PPP6R3: variants seen among roughly 807,000 people sequenced by gnomAD.
PPP6R3 encodes serine/threonine-protein phosphatase 6 regulatory subunit 3.
A neutral mutation model predicts 110.7 loss-of-function variants in PPP6R3; 38 were observed. The ratio of observed to expected loss-of-function variants is 0.34; its 90% CI spans 0.26 to 0.45. The LOEUF is 0.45. PPP6R3 is among the 20% of genes least tolerant of loss of function. The pLI, the probability that PPP6R3 is intolerant of heterozygous loss-of-function variation, is 1.00. For synonymous variants in PPP6R3, 369 were observed against 373.5 expected, an observed-to-expected ratio of 0.99 and a Z score of 0.14; for missense variants, 870 against 1,062.4, an observed-to-expected ratio of 0.82 and a Z score of 2.52.
intron 3 of PPP6R3, among the ~76,000 whole-genome samples, chr11:68,542,205 AG>A (rs1429128909): frequency 4.0e-5 from 6 of 151,492 alleles, no homozygotes; most frequent in Admixed American, 2.6e-4. Context: ...CTCAGGAGCA[AG>A]GGCCACTCCC....
chr11:68,560,228 TTGAGA>T (rs776774262), intron 8 of PPP6R3, among the ~76,000 whole-genome samples: 5 of 152,170 alleles, frequency 3.3e-5, no homozygotes, highest in Admixed American at 6.5e-5. Context: ...GTCAGTGGAC[TTGAGA>T]TGAGAAAAAT....
chr11:68,576,010 A>G lies in PPP6R3; in HGVS notation c.1512A>G (p.Leu504=), dbSNP rs1055528706. The change falls in exon 14 of 24, where the codon TTA becomes TTG. Residue 504 remains leucine, a synonymous_variant. Coordinates refer to ENST00000393800, the MANE Select transcript of PPP6R3 (RefSeq NM_001164161.2). ...GGGAGACGTTCTGCACAAGCTCCTT[A>G]GGAGAAACTAACAAGAGGAACACGG... is the stretch of plus-strand genomic sequence containing the variant. ...ERWETFCTSS[L]GETNKRNTVD... 1 of 1,611,812 alleles carries G rather than the reference A, an allele frequency of 6.2e-7. No homozygotes were observed. Among genetic ancestry groups the G allele is most frequent in the Non-Finnish European group, 8.5e-7 (1 of 1,178,384 alleles).
rs372210630 is a variant in PPP6R3 at position 68,554,161 on chromosome 11, C to T, written c.635C>T (p.Ser212Leu). 1.2e-6 allele frequency: 2 copies of T among 1,612,278 alleles called. No homozygotes were observed. Among genetic ancestry groups the T allele is most frequent in the Non-Finnish European group, 8.5e-7 (1 of 1,179,238 alleles). ...TTCCTTTAGCGACATTCAAATGCATCACAATCACTTTGTGAAATTGTTCGC... is the reference window on the plus strand; with the variant it reads ...TTCCTTTAGCGACATTCAAATGCATTACAATCACTTTGTGAAATTGTTCGC... Reference protein sequence around the residue: ...SQEEDRHSNASQSLCEIVRLS... With the variant: ...SQEEDRHSNALQSLCEIVRLS... Residue 212 changes from serine to leucine, a missense_variant, in exon 7 of 24, where the codon TCA becomes TTA. Transcript: ENST00000393800.
At chr11:68,503,499 C>G (rs185403329) in intron 1 of PPP6R3, among the ~76,000 whole-genome samples, 140 of 152,274 alleles carry the variant, frequency 9.2e-4, no homozygotes, top group Middle Eastern at 3.4e-3. Context: ...ACTAGGGAGA[C>G]TGAGAAATGG....
At chr11:68,505,197 CT>C (rs1477104979) in intron 1 of PPP6R3, 1 of 152,188 alleles carries the variant, frequency 6.6e-6, no homozygotes, top group African/African-American at 2.4e-5. Flanking sequence ...AGTGACAGAA[CT>C]TCCTCGGCCA....
chr11:68,497,739 C>T (rs139557027), intron 1 of PPP6R3, among the ~76,000 whole-genome samples: 111 of 152,238 alleles, frequency 7.3e-4, no homozygotes, highest in African/African-American at 2.6e-3. Context: ...GGTGTTATTA[C>T]TGAAGGATGA....
Position 68,544,842 on chromosome 11 carries a change from C to G in PPP6R3, c.232C>G (p.Pro78Ala). The G allele has an allele frequency of 6.3e-7, 1 of 1,583,364 alleles. No individual in the cohort carries two copies. Among genetic ancestry groups the G allele is most frequent in the Non-Finnish European group, 8.7e-7 (1 of 1,155,548 alleles). ...DMDEKIRYKYPNISCELLTSD... is the reference protein window; with the variant it reads ...DMDEKIRYKYANISCELLTSD... ...GTAAATATCCTGTTCTTCTAGGTAT[C>G]CAAATATATCTTGTGAGTTGCTCAC... The change falls in exon 4 of 24, where the codon CCA (proline) becomes GCA (alanine). Residue 78 changes from proline to alanine, a missense_variant. By Grantham distance (27) the Pro-to-Ala change is conservative (BLOSUM62 -1). Coordinates refer to ENST00000393800, the MANE Select transcript of PPP6R3 (RefSeq NM_001164161.2).
chr11:68,610,426 A>G (rs990253997), intron 23 of PPP6R3, among the ~76,000 whole-genome samples: 3 of 152,078 alleles, frequency 2.0e-5, no homozygotes, highest in South Asian at 2.1e-4. Context: ...CGTGGTGCCT[A>G]TTTGCCCACA....
At chr11:68,599,480 G>C (rs915443597) in intron 19 of PPP6R3, among the ~76,000 whole-genome samples, 2 of 152,250 alleles carry the variant, frequency 1.3e-5, no homozygotes, top group Non-Finnish European at 2.9e-5. Flanking sequence ...GGCCAGACCT[G>C]GTTCTGCAGG....
intron 2 of PPP6R3, among the ~76,000 whole-genome samples, chr11:68,520,317 A>G (rs1232835415): frequency 1.3e-5 from 2 of 152,110 alleles, no homozygotes; most frequent in African/African-American, 4.8e-5. Flanking sequence ...AATTTTAGTC[A>G]CTTTTTACTT....
intron 1 of PPP6R3, among the ~76,000 whole-genome samples, chr11:68,470,586 GT>G (rs2098783952): frequency 6.6e-6 from 1 of 152,184 alleles, no homozygotes; most frequent in South Asian, 2.1e-4. Context: ...ACATGATGTG[GT>G]TTCTAAAGGT....
chr11:68,609,802 G>A (rs1288297664), intron 22 of PPP6R3, 102 bp from the exon 23 acceptor site: 12 of 1,580,884 alleles, frequency 7.6e-6, no homozygotes, highest in South Asian at 3.4e-5. Context: ...TTGCCTCCGC[G>A]GCAGTCATGA....
chr11:68,614,634 G>C lies in PPP6R3; in HGVS notation c.*1517G>C. 2 of 1,517,300 alleles carry C rather than the reference G, an allele frequency of 1.3e-6. No individual in the cohort carries two copies. The highest frequency in any genetic ancestry group is 1.8e-6 in the Non-Finnish European group (2 of 1,139,020). The allele number at this position is 1,517,300 out of a possible 1,614,324, so 94.0% of individuals were successfully genotyped here. On this transcript the variant is annotated 3_prime_UTR_variant, in exon 24 of 24. Transcript: ENST00000393800. ...CTGATTTCCTTTTTCATTTTAAGTG[G>C]TGTGGAGATTCCAGCACTCCCAGGA...
intron 1 of PPP6R3, among the ~76,000 whole-genome samples, chr11:68,510,357 A>T (rs1204040942): frequency 6.6e-6 from 1 of 151,584 alleles, no homozygotes; most frequent in Non-Finnish European, 1.5e-5. Context: ...GTTTTTTTTG[A>T]AACAGGGTTT....
chr11:68,521,611 G>A, intron 2 of PPP6R3, among the ~76,000 whole-genome samples: 1 of 152,176 alleles, frequency 6.6e-6, no homozygotes, highest in Non-Finnish European at 1.5e-5. Flanking sequence ...GAACAGCACT[G>A]TAGGTATAGG....
chr11:68,578,417 G>C (rs1375415022), intron 14 of PPP6R3, among the ~76,000 whole-genome samples: 1 of 152,162 alleles, frequency 6.6e-6, no homozygotes, highest in Admixed American at 6.5e-5. Context: ...ATAATAGCTT[G>C]CTTATGCCCT....
chr11:68,473,393 A>G lies in PPP6R3; in HGVS notation c.-158+12566A>G, dbSNP rs572712080. Among the ~76,000 whole-genome samples the G allele has an allele frequency of 9.8e-5, 15 of 152,338 alleles. No individual in the cohort carries two copies. In the South Asian group the frequency reaches 3.1e-3, roughly 32 times the overall value. ...GCCCATAGAGGGCATGGAAGCTCTGAGCCCCTCCCCTCTTACCTTGCCATG... is the reference window on the plus strand; with the variant it reads ...GCCCATAGAGGGCATGGAAGCTCTGGGCCCCTCCCCTCTTACCTTGCCATG... On this transcript the variant is annotated intron_variant, in intron 1 of 23. Transcript: ENST00000393800.
At position 68,583,139 on chromosome 11, in the gene PPP6R3, G is replaced by A. The variant is rs766774630; in HGVS notation, c.1632+10G>A. The A allele has an allele frequency of 1.7e-5, 25 of 1,506,162 alleles. No homozygotes were observed. Among genetic ancestry groups the A allele is most frequent in the Admixed American group, 4.6e-5 (2 of 43,170 alleles). 93.3% of individuals were successfully genotyped at this position (1,506,162 alleles called of 1,614,324 possible). On this transcript the variant is annotated intron_variant, in intron 15 of 23. Transcript: ENST00000393800. The stretch of plus-strand genomic sequence containing the variant: ...TTCTTCTTTGCAGCAAGTGAGTCAC[G>A]CCTAAAGCTTTGCTTTTTGTTTTTA...
rs1374864051 is a variant in PPP6R3, at chr11:68,571,091, A to G, written c.1330A>G (p.Asn444Asp). 1 of 1,598,558 alleles carries G rather than the reference A, an allele frequency of 6.3e-7. No individual in the cohort carries two copies. Among genetic ancestry groups the G allele is most frequent in the East Asian group, 2.2e-5 (1 of 44,634 alleles). ...ACGAATACTTGAAGCCTGGGAAATG[A>G]ATGAGAAGAAACAGTAAGTAAATTG... Reference protein sequence around the residue: ...IERILEAWEMNEKKQAEGGRR... With the variant: ...IERILEAWEMDEKKQAEGGRR... Residue 444 changes from asparagine (N) to aspartate (D), a missense_variant, in exon 12 of 24, where the codon AAT becomes GAT. Coordinates refer to ENST00000393800, the MANE Select transcript of PPP6R3 (RefSeq NM_001164161.2).
Sources: gnomAD v4.1 joint callset for allele counts (sites outside exome capture counted in the v4.1 genomes callset) on GRCh38, gnomAD v4.1.1 for gene constraint, MANE v1.5 for transcripts, NCBI Gene and HGNC (gene_info 2026-07-23, HGNC 2026-07-21) for gene names.